Variants in SH3TC2 observed in about 807,000 individuals in gnomAD.
SH3TC2 encodes the protein SH3 domain and tetratricopeptide repeats 2, also known as SH3 domain and tetratricopeptide repeat-containing protein 2.
SH3TC2 carries 87 observed loss-of-function variants against 124.5 expected under a neutral mutation model. The observed-to-expected ratio is 0.70, with a 90% confidence interval of 0.59 to 0.84. The LOEUF is 0.84. Ranked by LOEUF, SH3TC2 falls within the 40% of genes least tolerant of loss-of-function variation. The pLI is 0.00. For missense variants in SH3TC2, 1,536 were observed against 1,566.4 expected, an observed-to-expected ratio of 0.98 and a Z score of 0.33; for synonymous variants, 634 against 628.5, an observed-to-expected ratio of 1.01 and a Z score of -0.13.
chr5:149,058,376 T>C (rs1754687295), intron 1 of SH3TC2, among the ~76,000 whole-genome samples: 1 of 152,202 alleles, frequency 6.6e-6, no homozygotes, highest in Admixed American at 6.5e-5. Flanking sequence ...TCTTTTTAAT[T>C]TGGGCCATTC....
chr5:149,006,817 T>G, intron 16 of SH3TC2, 64 bp downstream of exon 16: 1 of 1,519,878 alleles, frequency 6.6e-7, no homozygotes, highest in South Asian at 1.1e-5. Flanking sequence ...CTCATTGTCT[T>G]TGAGTCAGGA....
intron 14 of SH3TC2, among the ~76,000 whole-genome samples, chr5:149,009,883 A>T (rs73795737): frequency 0.033 from 4,996 of 152,286 alleles, 277 homozygotes; most frequent in African/African-American, 0.11. Context: ...AAACAAAAGC[A>T]TTCATCTACA....
chr5:149,053,918 T>C (rs1025489088), intron 1 of SH3TC2, among the ~76,000 whole-genome samples: 6 of 152,064 alleles, frequency 3.9e-5, no homozygotes, highest in Admixed American at 3.3e-4. Context: ...TAGGGAGAAG[T>C]AGGGATGTTA....
rs372839905 is a variant in SH3TC2, at chr5:149,012,693, C to G, written c.3095G>C (p.Arg1032Pro). ...RSLTCIKESLRIFIDLGETDK... is the reference protein window; with the variant it reads ...RSLTCIKESLPIFIDLGETDK... ...TGTCTCCCCCAGGTCAATGAAGATACGCAGGCTCTCCTTGATGCATGTGAG... is the reference window on the plus strand; with the variant it reads ...TGTCTCCCCCAGGTCAATGAAGATAGGCAGGCTCTCCTTGATGCATGTGAG... The change falls in exon 13 of 17, where the codon CGT becomes CCT. Residue 1032 changes from arginine (R) to proline (P), a missense_variant. Physicochemically the swap from Arg to Pro is moderately radical, Grantham distance 103 (BLOSUM62 -2). Coordinates refer to ENST00000515425, the MANE Select transcript of SH3TC2 (RefSeq NM_024577.4). 6.2e-7 allele frequency: 1 copy of G among 1,614,132 alleles called. No individual in the cohort carries two copies. The highest frequency in any genetic ancestry group is 1.7e-5 in the Admixed American group (1 of 60,024).
intron 12 of SH3TC2, among the ~76,000 whole-genome samples, chr5:149,025,406 T>C (rs1169436852): frequency 1.3e-5 from 2 of 152,146 alleles, no homozygotes; most frequent in Non-Finnish European, 2.9e-5. Flanking sequence ...CCATGTTGCT[T>C]AGAAATGCAA....
chr5:149,008,561 C>T (rs1753729537), intron 15 of SH3TC2: 1 of 498,316 alleles, frequency 2.0e-6, no homozygotes, highest in Admixed American at 3.3e-5. Context: ...CAACACTTAC[C>T]AAGGACTTAC....
intron 12 of SH3TC2, among the ~76,000 whole-genome samples, chr5:149,024,277 T>A (rs1244831251): frequency 6.6e-6 from 1 of 152,184 alleles, no homozygotes; most frequent in Non-Finnish European, 1.5e-5. Flanking sequence ...ACTAAGTTAC[T>A]CTCTAATGAC....
chr5:149,001,465 T>C lies in SH3TC2; in HGVS notation c.*3246A>G, dbSNP rs73795732. The C allele has an allele frequency of 7.2e-5, 11 of 152,186 alleles. No individual in the cohort carries two copies. Among genetic ancestry groups the C allele is most frequent in the African/African-American group, 2.2e-4 (9 of 41,438 alleles). The allele number at this position is 152,186 out of a possible 1,614,324, so 9.4% of individuals were successfully genotyped here. On this transcript the variant is annotated 3_prime_UTR_variant, in exon 17 of 17. Coordinates refer to ENST00000515425, the MANE Select transcript of SH3TC2 (RefSeq NM_024577.4). ...AGGGTAACTAGATCATGTTTGGCTA[T>C]GATACACTTATTTTTTTAAATGTTT...
chr5:148,995,022 T>C lies in SH3TC2; in HGVS notation c.*9689A>G, dbSNP rs1037870382. Among the ~76,000 whole-genome samples the C allele has an allele frequency of 6.6e-6, 1 of 152,210 alleles. No individual in the cohort carries two copies. The highest frequency in any genetic ancestry group is 2.4e-5 in the African/African-American group (1 of 41,448). On this transcript the variant is annotated 3_prime_UTR_variant, in exon 17 of 17. Coordinates refer to ENST00000515425, the MANE Select transcript of SH3TC2 (RefSeq NM_024577.4). ...AAGGTACTGCCTATCCCCTGGATCTTTATTCCATAGAACATTCATCACTGA... is the reference window on the plus strand; with the variant it reads ...AAGGTACTGCCTATCCCCTGGATCTCTATTCCATAGAACATTCATCACTGA...
rs1160876057 is a variant in SH3TC2, at chr5:148,991,225, T to C, written c.*13486A>G. ...TTCTCTATACAAAAGCTTTTACCCA[T>C]ATACCACATTGGATGTGAGAGTGAA... On this transcript the variant is annotated 3_prime_UTR_variant, in exon 17 of 17. Transcript: ENST00000515425. 6.6e-6 allele frequency among the ~76,000 whole-genome samples: 1 copy of C among 152,182 alleles called. No homozygotes were observed. Among genetic ancestry groups the C allele is most frequent in the Non-Finnish European group, 1.5e-5 (1 of 68,034 alleles).
Position 149,023,250 on chromosome 5 carries a change from C to T in SH3TC2, c.3053+3322G>A, listed in dbSNP as rs895653402. The stretch of plus-strand genomic sequence containing the variant: ...CCAATAACTACCACAGTGCCTGACA[C>T]AATGGAAGGGCTCCCATAGTGTGAT... On this transcript the variant is annotated intron_variant, in intron 12 of 16. Transcript: ENST00000515425. Among the ~76,000 whole-genome samples the T allele has an allele frequency of 1.6e-4, 24 of 152,228 alleles. 1 individual carries two copies. The highest frequency in any genetic ancestry group is 8.3e-4 in the South Asian group (4 of 4,824).
rs62378237 is a variant in SH3TC2 at position 149,030,544 on chromosome 5, G to C, written c.1135+1010C>G. ...ATCAGGCTCCCGCCTACTGGGCAGT[G>C]TTTACAACTCTAGCTTCCTGCTCAA... On this transcript the variant is annotated intron_variant, in intron 9 of 16. Coordinates refer to ENST00000515425, the MANE Select transcript of SH3TC2 (RefSeq NM_024577.4). Among the ~76,000 whole-genome samples the C allele has an allele frequency of 8.5e-4, 129 of 152,392 alleles. 2 individuals are homozygous for C. Among genetic ancestry groups the C allele is most frequent in the Non-Finnish European group, 1.6e-3 (107 of 68,048 alleles).
chr5:149,053,574 C>T (rs1034743518), intron 1 of SH3TC2, among the ~76,000 whole-genome samples: 6 of 152,188 alleles, frequency 3.9e-5, no homozygotes, highest in Non-Finnish European at 8.8e-5. Flanking sequence ...TTCAGTTCTG[C>T]CCCGAGGAAC....
chr5:149,041,676 T>TATCACAC (rs1348465431), intron 5 of SH3TC2, 59 bp from the exon 6 acceptor site: 15 of 1,566,416 alleles, frequency 9.6e-6, no homozygotes, highest in Non-Finnish European at 1.1e-5. Context: ...GAAAACGGAT[T>TATCACAC]ATCACACAAA....
At chr5:149,018,130 G>A (rs955926596) in intron 12 of SH3TC2, among the ~76,000 whole-genome samples, 2 of 152,134 alleles carry the variant, frequency 1.3e-5, no homozygotes, top group African/African-American at 4.8e-5. Flanking sequence ...GGCTTCTTTA[G>A]TTCTCAATTT....
intron 1 of SH3TC2, among the ~76,000 whole-genome samples, chr5:149,058,194 T>C (rs1363222295): frequency 6.6e-6 from 1 of 152,226 alleles, no homozygotes; most frequent in East Asian, 1.9e-4. Flanking sequence ...TAGTTTTATT[T>C]TTATTATTAT....
At chr5:149,033,807 C>T (rs963724576) in intron 8 of SH3TC2, among the ~76,000 whole-genome samples, 10 of 152,280 alleles carry the variant, frequency 6.6e-5, no homozygotes, top group Admixed American at 3.3e-4. Context: ...GTTGGTACCA[C>T]GATCCAAGAA....
At chr5:149,009,116 A>C in intron 14 of SH3TC2, 115 bp from the exon 15 acceptor site, 1 of 1,213,148 alleles carries the variant, frequency 8.2e-7, no homozygotes, top group East Asian at 2.3e-5. Context: ...GACTAAAACA[A>C]AGGGGAGTCA....
intron 12 of SH3TC2, among the ~76,000 whole-genome samples, chr5:149,024,552 GT>G (rs1754032372): frequency 6.6e-6 from 1 of 152,184 alleles, no homozygotes; most frequent in African/African-American, 2.4e-5. Context: ...CAGACTCAAC[GT>G]TTTACTGGAA....
Sources: allele counts gnomAD v4.1 joint callset (sites outside exome capture counted in the v4.1 genomes callset), GRCh38; gene constraint gnomAD v4.1.1; transcripts MANE v1.5; gene names NCBI Gene and HGNC (gene_info 2026-07-23, HGNC 2026-07-21).